Variants in AADACL2 observed in about 807,000 individuals in gnomAD.
AADACL2 encodes the protein arylacetamide deacetylase-like 2.
A neutral mutation model predicts 22.3 loss-of-function variants in AADACL2; 23 were observed. That is an observed-to-expected ratio of 1.03 (90% CI 0.74 to 1.46). AADACL2 has a LOEUF of 1.46. AADACL2 is among the 40% of genes most tolerant of loss of function. The pLI is 0.00. For missense variants in AADACL2, 472 were observed against 482.9 expected (o/e 0.98, Z 0.21); for synonymous variants, 177 against 166.2 (o/e 1.07, Z -0.50).
intron 4 of AADACL2, among the ~76,000 whole-genome samples, chr3:151,756,099 T>C (rs1713893299): frequency 6.6e-6 from 1 of 152,084 alleles, no homozygotes; most frequent in Non-Finnish European, 1.5e-5. Flanking sequence ...GACTTAGAGG[T>C]ACATCCTGTG....
At chr3:151,744,433 G>C (rs1364176242) in intron 3 of AADACL2, among the ~76,000 whole-genome samples, 1 of 152,210 alleles carries the variant, frequency 6.6e-6, no homozygotes, top group East Asian at 1.9e-4. Flanking sequence ...GGCCCTAGTA[G>C]TGTCCCAAGT....
At chr3:151,741,185 T>A (rs1165443524) in intron 2 of AADACL2, among the ~76,000 whole-genome samples, 1 of 152,168 alleles carries the variant, frequency 6.6e-6, no homozygotes, top group Non-Finnish European at 1.5e-5. Context: ...GGGATCTGAA[T>A]TCAGGAGCAG....
intron 2 of AADACL2, 81 bp downstream of exon 2, chr3:151,740,949 TATACTG>T (rs1447689764): frequency 2.7e-6 from 3 of 1,114,534 alleles, no homozygotes; most frequent in African/African-American, 3.2e-5. Context: ...TATACACACT[TATACTG>T]ATACATACAT....
chr3:151,742,019 C>A (rs1365383417), intron 2 of AADACL2, among the ~76,000 whole-genome samples: 1 of 152,020 alleles, frequency 6.6e-6, no homozygotes, highest in East Asian at 1.9e-4. Flanking sequence ...TCAGATCTCC[C>A]AAACATATGT....
intron 4 of AADACL2, among the ~76,000 whole-genome samples, chr3:151,755,885 G>T (rs1441803217): frequency 6.6e-6 from 1 of 152,004 alleles, no homozygotes; most frequent in Non-Finnish European, 1.5e-5. Context: ...TCTACCTAAG[G>T]GCATGGCAGA....
chr3:151,760,922 C>G lies in AADACL2; in HGVS notation c.*3328C>G, dbSNP rs1452075452. 1 of 151,736 alleles carries G rather than the reference C, an allele frequency of 6.6e-6. No homozygotes were observed. The highest frequency in any genetic ancestry group is 6.6e-5 in the Admixed American group (1 of 15,186). 9.4% of individuals were successfully genotyped at this position (151,736 alleles called of 1,614,324 possible). ...TATTCTCCCGTTGTATGTGTTCTTC[C>G]CCAATTTTCCCTTTTTATAAAGATA... is the stretch of plus-strand genomic sequence containing the variant. On this transcript the variant is annotated 3_prime_UTR_variant, in exon 5 of 5. Transcript: ENST00000356517.
At chr3:151,744,063 A>G (rs1560282881) in intron 2 of AADACL2, 30 bp from the exon 3 acceptor site, 3 of 1,604,192 alleles carry the variant, frequency 1.9e-6, no homozygotes, top group Non-Finnish European at 2.6e-6. Context: ...AATTACAGGA[A>G]ATACTTTGAT....
intron 1 of AADACL2, among the ~76,000 whole-genome samples, chr3:151,738,089 T>C (rs893668414): frequency 6.6e-6 from 1 of 152,166 alleles, no homozygotes; most frequent in Non-Finnish European, 1.5e-5. Context: ...CAGTGGCTGG[T>C]ACCAGTTTTT....
rs1713994556 is a variant in AADACL2, at chr3:151,757,777, A to G, written c.*183A>G. ...GACTTGCAGACCCTGAATATGTAAA[A>G]TGTATGTAATCCTGCCTATTTTCTC... On this transcript the variant is annotated 3_prime_UTR_variant, in exon 5 of 5. Transcript: ENST00000356517. 1.7e-6 allele frequency: 1 copy of G among 571,484 alleles called. No individual in the cohort carries two copies. Among genetic ancestry groups the G allele is most frequent in the African/African-American group, 1.9e-5 (1 of 52,808 alleles). 35.4% of individuals were successfully genotyped at this position (571,484 alleles called of 1,614,324 possible).
chr3:151,739,538 TCTC>T (rs1713207375), intron 1 of AADACL2, among the ~76,000 whole-genome samples: 1 of 152,134 alleles, frequency 6.6e-6, no homozygotes, highest in South Asian at 2.1e-4. Context: ...CTGGGAGAAT[TCTC>T]CTTCTCAGGA....
intron 4 of AADACL2, 82 bp downstream of exon 4, chr3:151,745,762 C>A: frequency 1.4e-6 from 2 of 1,397,152 alleles, no homozygotes; most frequent in Non-Finnish European, 1.9e-6. Context: ...CTTCCCCCAC[C>A]ATTTGTTGAA....
rs1019893083 is a variant in AADACL2 at position 151,740,767 on chromosome 3, T to C, written c.260T>C (p.Val87Ala). Reference protein sequence around the residue: ...EYITVTDTTFVDIPVRLYLPK... With the variant: ...EYITVTDTTFADIPVRLYLPK... Reference sequence around the variant, plus strand: ...ATCACAGTGACTGATACAACATTTGTTGACATTCCAGTACGATTGTACTTG... The same window carrying C: ...ATCACAGTGACTGATACAACATTTGCTGACATTCCAGTACGATTGTACTTG... The change falls in exon 2 of 5, where the codon GTT becomes GCT. Residue 87 changes from valine (V) to alanine (A), a missense_variant. Val to Ala is a moderately conservative substitution (Grantham distance 64). This residue lies in a region of AADACL2 where 356 missense variants were observed against 365.5 expected (regional missense o/e 0.97). Coordinates refer to ENST00000356517, the MANE Select transcript of AADACL2 (RefSeq NM_207365.4). The C allele has an allele frequency of 6.2e-7, 1 of 1,614,048 alleles. No individual in the cohort carries two copies. Among genetic ancestry groups the C allele is most frequent in the Non-Finnish European group, 8.5e-7 (1 of 1,179,954 alleles).
intron 4 of AADACL2, among the ~76,000 whole-genome samples, chr3:151,750,671 CCTCT>C (rs1389642499): frequency 3.9e-5 from 6 of 151,910 alleles, no homozygotes; most frequent in Admixed American, 1.3e-4. Flanking sequence ...ACTCTAGGTG[CCTCT>C]CTATTTATTT....
Position 151,744,150 on chromosome 3 carries a change from T to C in AADACL2, c.419T>C (p.Val140Ala), listed in dbSNP as rs1316229004. The change falls in exon 3 of 5, where the codon GTT (valine) becomes GCT (alanine). Residue 140 changes from valine to alanine, a missense_variant. Physicochemically the swap from Val to Ala is moderately conservative, Grantham distance 64 (BLOSUM62 0). Coordinates refer to ENST00000356517, the MANE Select transcript of AADACL2 (RefSeq NM_207365.4). The stretch of plus-strand genomic sequence containing the variant: ...ACGGCAAACACGCTTGATGCTGTTG[T>C]TGTAGGCGTGGAGTAAGAATGATTT... ...RWTANTLDAVVVGVDYRLAPQ... is the reference protein window; with the variant it reads ...RWTANTLDAVAVGVDYRLAPQ... 1.9e-6 allele frequency: 3 copies of C among 1,613,586 alleles called. No individual in the cohort carries two copies. Among genetic ancestry groups the C allele is most frequent in the African/African-American group, 2.7e-5 (2 of 74,890 alleles).
At position 151,758,798 on chromosome 3, in the gene AADACL2, G is replaced by C. The variant is rs1004535005; in HGVS notation, c.*1204G>C. 9.9e-5 allele frequency: 15 copies of C among 152,026 alleles called. No individual in the cohort carries two copies. The highest frequency in any genetic ancestry group is 1.6e-4 in the Non-Finnish European group (11 of 67,964). The allele number at this position is 152,026 out of a possible 1,614,324, so 9.4% of individuals were successfully genotyped here. A position where few individuals can be genotyped will look rare whatever the true frequency, so the allele number is the denominator to read the frequency against. ...ATAGTCAGTTGAATCCAACTAAGAA[G>C]TTAAAAATGTAGTAAGAAATGTGTA... On this transcript the variant is annotated 3_prime_UTR_variant, in exon 5 of 5. Coordinates refer to ENST00000356517, the MANE Select transcript of AADACL2 (RefSeq NM_207365.4).
rs1713979907 is a variant in AADACL2 at position 151,757,582 on chromosome 3, T to A, written c.1194T>A (p.Asp398Glu). 1 of 1,605,214 alleles carries A rather than the reference T, an allele frequency of 6.2e-7. No individual in the cohort carries two copies. Among genetic ancestry groups the A allele is most frequent in the Non-Finnish European group, 8.5e-7 (1 of 1,174,970 alleles). ...GAGATATGTATGTAAGTTGGCTGGA[T>A]AAGAATTTATAAATATGTGATGTGT... ...RIRDMYVSWL[D>E]KNL is the part of the protein sequence containing the mutation. The change falls in exon 5 of 5, where the codon GAT (aspartate) becomes GAA (glutamate). Residue 398 changes from aspartate (D) to glutamate (E), a missense_variant. Asp to Glu is a conservative substitution (Grantham distance 45). Transcript: ENST00000356517.
rs772579314 is a variant in AADACL2 at position 151,745,668 on chromosome 3, G to C, written c.591G>C (p.Ala197=). The C allele has an allele frequency of 2.5e-6, 4 of 1,609,304 alleles. No individual in the cohort carries two copies. Among genetic ancestry groups the C allele is most frequent in the Non-Finnish European group, 3.4e-6 (4 of 1,178,340 alleles). The change falls in exon 4 of 5, where the codon GCG becomes GCC. Residue 197 remains alanine, a synonymous_variant. Transcript: ENST00000356517. The stretch of plus-strand genomic sequence containing the variant: ...GTTCTGGGGGCAATTTAGCAACAGC[G>C]GTCACTCAACAGGTACATTATATTT... ...GDSSGGNLAT[A]VTQQVQNDAE...
At chr3:151,748,595 G>A (rs1189874819) in intron 4 of AADACL2, among the ~76,000 whole-genome samples, 3 of 152,206 alleles carry the variant, frequency 2.0e-5, no homozygotes, top group Admixed American at 6.5e-5. Flanking sequence ...TGCTCTCCAG[G>A]GAATGAAATA....
chr3:151,756,087 G>A (rs887254980), intron 4 of AADACL2, among the ~76,000 whole-genome samples: 3 of 151,990 alleles, frequency 2.0e-5, no homozygotes, highest in Non-Finnish European at 4.4e-5. Context: ...TGGTGACTGG[G>A]TGACTTAGAG....
Sources: allele counts gnomAD v4.1 joint callset (sites outside exome capture counted in the v4.1 genomes callset), GRCh38; gene constraint gnomAD v4.1.1; regional missense constraint gnomAD v4.1.1; transcripts MANE v1.5; gene names NCBI Gene and HGNC (gene_info 2026-07-23, HGNC 2026-07-21).